The following COX5A variants were observed in gnomAD, a reference collection of about 807,000 sequenced individuals.
COX5A encodes cytochrome c oxidase subunit 5A, also known as cytochrome c oxidase subunit 5A, mitochondrial.
A neutral mutation model predicts 16.1 loss-of-function variants in COX5A; 6 were observed. That is an observed-to-expected ratio of 0.37 (90% CI 0.20 to 0.73). The LOEUF is 0.73. Among genes scored for constraint, COX5A ranks in the 30% least tolerant of loss-of-function variants. The pLI, the probability that COX5A is intolerant of heterozygous loss-of-function variation, is 0.50. For missense variants in COX5A, 159 were observed against 194.9 expected, an observed-to-expected ratio of 0.82 and a Z score of 1.10; for synonymous variants, 73 against 73.8, an observed-to-expected ratio of 0.99 and a Z score of 0.06.
intron 1 of COX5A, among the ~76,000 whole-genome samples, chr15:74,930,003 TG>T (rs1316151208): frequency 6.7e-6 from 1 of 149,658 alleles, no homozygotes; most frequent in Non-Finnish European, 1.5e-5. Context: ...GGCGTGAACC[TG>T]GACGGCGGAG....
chr15:74,928,546 G>A (rs933131592), intron 2 of COX5A, among the ~76,000 whole-genome samples: 23 of 152,122 alleles, frequency 1.5e-4, no homozygotes, highest in Admixed American at 1.1e-3. Context: ...CACCACGTCC[G>A]GCTAATTTTT....
intron 3 of COX5A, among the ~76,000 whole-genome samples, chr15:74,925,102 C>T (rs1192230919): frequency 6.6e-6 from 1 of 152,078 alleles, no homozygotes; most frequent in Admixed American, 6.5e-5. Context: ...GCGGGCGGAT[C>T]AACTGAGGTC....
chr15:74,933,421 ATCTATC>A (rs2065375559), intron 1 of COX5A, among the ~76,000 whole-genome samples: 3 of 57,714 alleles, frequency 5.2e-5, no homozygotes, highest in Admixed American at 1.6e-4. Flanking sequence ...AAAAAAAAAT[ATCTATC>A]TATCTATCTA....
chr15:74,936,695 C>G (rs567546008), intron 1 of COX5A, among the ~76,000 whole-genome samples: 9 of 127,062 alleles, frequency 7.1e-5, no homozygotes, highest in African/African-American at 2.5e-4. Context: ...GGCGCGATTT[C>G]GGCTCACTGC....
chr15:74,927,776 C>G (rs572900065), intron 2 of COX5A, among the ~76,000 whole-genome samples: 3 of 151,410 alleles, frequency 2.0e-5, no homozygotes, highest in African/African-American at 7.3e-5. Context: ...CCATCTCAAA[C>G]AAAACAAAAC....
intron 1 of COX5A, 57 bp from the exon 2 acceptor site, chr15:74,929,289 G>T: frequency 8.2e-7 from 1 of 1,218,298 alleles, no homozygotes; most frequent in Non-Finnish European, 1.2e-6. Flanking sequence ...GATATATTTT[G>T]TTCAATGCAT....
rs180972328 is a variant in COX5A at position 74,931,105 on chromosome 15, T to C, written c.101-1873A>G. Reference sequence around the variant, plus strand: ...CATCCTGACAAATTACACATACAAATTGCTTTATCAAACTACAGCCCCTTC... The same window carrying C: ...CATCCTGACAAATTACACATACAAACTGCTTTATCAAACTACAGCCCCTTC... On this transcript the variant is annotated intron_variant, in intron 1 of 4. Transcript: ENST00000322347. Among the ~76,000 whole-genome samples the C allele has an allele frequency of 5.3e-5, 8 of 150,280 alleles. No homozygotes were observed. In the East Asian group the frequency reaches 1.6e-3, roughly 30 times the overall value.
At chr15:74,926,146 T>C (rs919856872) in intron 3 of COX5A, among the ~76,000 whole-genome samples, 3 of 151,498 alleles carry the variant, frequency 2.0e-5, no homozygotes, top group Non-Finnish European at 4.4e-5. Context: ...TTCACGCCAT[T>C]CTCCCGCCTC....
At chr15:74,932,593 G>A (rs1383294111) in intron 1 of COX5A, among the ~76,000 whole-genome samples, 1 of 152,058 alleles carries the variant, frequency 6.6e-6, no homozygotes, top group South Asian at 2.1e-4. Context: ...GCAAAAAAAC[G>A]AAGCAGAAAA....
intron 1 of COX5A, among the ~76,000 whole-genome samples, chr15:74,929,619 T>C (rs2065357711): frequency 6.6e-6 from 1 of 152,148 alleles, no homozygotes; most frequent in South Asian, 2.1e-4. Flanking sequence ...ATGTCCCAGG[T>C]GGGCATAGTG....
At chr15:74,925,926 T>TGC (rs1411274800) in intron 3 of COX5A, among the ~76,000 whole-genome samples, 1 of 151,426 alleles carries the variant, frequency 6.6e-6, no homozygotes, top group Non-Finnish European at 1.5e-5. Context: ...AGTGCAATGG[T>TGC]GCGATCTCAG....
chr15:74,931,975 A>G (rs2065369547), intron 1 of COX5A, among the ~76,000 whole-genome samples: 1 of 152,208 alleles, frequency 6.6e-6, no homozygotes, highest in Non-Finnish European at 1.5e-5. Context: ...ATCTTTGGGT[A>G]TTGAATGCAG....
Position 74,920,972 on chromosome 15 carries a change from G to A in COX5A, c.*10-530C>T, listed in dbSNP as rs142086393. Among the ~76,000 whole-genome samples, 981 of 151,736 alleles carry A rather than the reference G, an allele frequency of 6.5e-3. 13 individuals are homozygous for A. Among genetic ancestry groups the A allele is most frequent in the African/African-American group, 0.023 (934 of 41,358 alleles). ...AGCATGGATGACAGAGCAAGACTCT[G>A]TCTCCCAACAAAAAAAAGAAAAAAA... is the stretch of plus-strand genomic sequence containing the variant. On this transcript the variant is annotated intron_variant, in intron 4 of 4. Transcript: ENST00000322347.
chr15:74,930,528 A>T (rs1337948506), intron 1 of COX5A, among the ~76,000 whole-genome samples: 2 of 149,846 alleles, frequency 1.3e-5, no homozygotes, highest in Non-Finnish European at 3.0e-5. Flanking sequence ...TTTTTGAGAC[A>T]GGCTCTCGCT....
At chr15:74,937,135 C>A (rs1229435761) in intron 1 of COX5A, among the ~76,000 whole-genome samples, 1 of 151,974 alleles carries the variant, frequency 6.6e-6, no homozygotes, top group African/African-American at 2.4e-5. Context: ...TCCCAGCACA[C>A]ATATAAAGGG....
At chr15:74,937,488 T>C (rs1218209073) in intron 1 of COX5A, among the ~76,000 whole-genome samples, 1 of 152,140 alleles carries the variant, frequency 6.6e-6, no homozygotes, top group Non-Finnish European at 1.5e-5. Context: ...GTGTGTCCCA[T>C]ACGGAAGTAT....
intron 1 of COX5A, among the ~76,000 whole-genome samples, chr15:74,935,606 A>AT (rs1172926826): frequency 6.6e-6 from 1 of 151,520 alleles, no homozygotes; most frequent in Admixed American, 6.6e-5. Context: ...CACCAAAAAA[A>AT]AAAAATAAAT....
chr15:74,928,052 T>A (rs1005955044), intron 2 of COX5A, among the ~76,000 whole-genome samples: 2 of 152,332 alleles, frequency 1.3e-5, no homozygotes, highest in Admixed American at 1.3e-4. Flanking sequence ...TACTCCAGAT[T>A]GTTCAGTAAG....
chr15:74,932,442 C>T (rs2065371658), intron 1 of COX5A, among the ~76,000 whole-genome samples: 1 of 152,088 alleles, frequency 6.6e-6, no homozygotes, highest in Admixed American at 6.6e-5. Context: ...GCCACCATGC[C>T]CAGCCTTAAC....
Sources: allele counts gnomAD v4.1 joint callset (sites outside exome capture counted in the v4.1 genomes callset), GRCh38; gene constraint gnomAD v4.1.1; transcripts MANE v1.5; gene names NCBI Gene and HGNC (gene_info 2026-07-23, HGNC 2026-07-21).